TRPM3: variants seen among roughly 807,000 people sequenced by gnomAD.
The protein encoded by TRPM3 is long transient receptor potential channel 3.
TRPM3 carries 77 observed loss-of-function variants against 181.2 expected under a neutral mutation model. The ratio of observed to expected loss-of-function variants is 0.42; its 90% CI spans 0.35 to 0.51. The LOEUF (loss-of-function observed/expected upper bound fraction) is 0.51. Ranked by LOEUF, TRPM3 falls within the 20% of genes least tolerant of loss-of-function variation. The pLI, the probability that TRPM3 is intolerant of heterozygous loss-of-function variation, is 0.01. For missense variants in TRPM3, 1,759 were observed against 2,196.7 expected (o/e 0.80, Z 3.98); for synonymous variants, 745 against 796.4 (o/e 0.94, Z 1.09).
At chr9:70,671,480 T>C (rs79660144) in intron 9 of TRPM3, among the ~76,000 whole-genome samples, 2,694 of 152,224 alleles carry the variant, frequency 0.018, 84 homozygotes, top group African/African-American at 0.061. Context: ...CACAAATTCT[T>C]GTCAAAAATA....
chr9:71,028,731 A>C (rs1196674842), intron 1 of TRPM3, among the ~76,000 whole-genome samples: 2 of 152,200 alleles, frequency 1.3e-5, no homozygotes, highest in Non-Finnish European at 2.9e-5. Context: ...CCATAAGGGT[A>C]AAGGGTTCAA....
intron 1 of TRPM3, among the ~76,000 whole-genome samples, chr9:71,303,474 A>G (rs1386426301): frequency 6.6e-6 from 1 of 152,250 alleles, no homozygotes; most frequent in Non-Finnish European, 1.5e-5. Context: ...AAGATGGAGT[A>G]TTAGAGAAAT....
At chr9:70,793,829 C>T (rs2086287573) in intron 6 of TRPM3, 1 of 321,536 alleles carries the variant, frequency 3.1e-6, no homozygotes, top group Non-Finnish European at 6.3e-6. Context: ...CACCATTCGT[C>T]TTTCATTTTC....
At chr9:71,120,077 C>T (rs1206207889) in intron 1 of TRPM3, among the ~76,000 whole-genome samples, 1 of 152,200 alleles carries the variant, frequency 6.6e-6, no homozygotes, top group Non-Finnish European at 1.5e-5. Flanking sequence ...ATGGAACTAA[C>T]TGTCCCCATC....
chr9:70,574,284 A>G (rs1330852545), intron 22 of TRPM3, among the ~76,000 whole-genome samples: 2 of 152,002 alleles, frequency 1.3e-5, no homozygotes, highest in East Asian at 3.9e-4. Context: ...TTTATTCCCT[A>G]CCATTCTCTC....
intron 1 of TRPM3, among the ~76,000 whole-genome samples, chr9:71,081,599 T>A (rs924921043): frequency 3.3e-5 from 5 of 152,152 alleles, no homozygotes; most frequent in Admixed American, 6.6e-5. Flanking sequence ...TTTTATGGCG[T>A]TACTAAGAAA....
intron 1 of TRPM3, among the ~76,000 whole-genome samples, chr9:71,383,010 C>T (rs1042862487): frequency 1.3e-5 from 2 of 151,958 alleles, no homozygotes; most frequent in South Asian, 2.1e-4. Flanking sequence ...ATGCTCTAGG[C>T]GGATGCTGGA....
At chr9:71,172,742 G>A (rs2076929185) in intron 1 of TRPM3, among the ~76,000 whole-genome samples, 1 of 152,120 alleles carries the variant, frequency 6.6e-6, no homozygotes, top group African/African-American at 2.4e-5. Flanking sequence ...AACATGCTAT[G>A]CGTTAGAAAA....
intron 1 of TRPM3, among the ~76,000 whole-genome samples, chr9:71,280,026 C>G (rs1004226976): frequency 1.1e-4 from 17 of 147,878 alleles, no homozygotes; most frequent in African/African-American, 3.8e-4. Context: ...TGCAGTGAGC[C>G]GAGATCTTGA....
chr9:71,233,214 A>ATCATTTTT (rs1256814017), intron 1 of TRPM3, among the ~76,000 whole-genome samples: 1 of 152,192 alleles, frequency 6.6e-6, no homozygotes, highest in Non-Finnish European at 1.5e-5. Flanking sequence ...AATCAAATGA[A>ATCATTTTT]TCATTTTCCC....
chr9:70,632,883 G>T (rs547398200), intron 12 of TRPM3, among the ~76,000 whole-genome samples: 1 of 152,192 alleles, frequency 6.6e-6, no homozygotes, highest in Non-Finnish European at 1.5e-5. Flanking sequence ...TACAAGTGAC[G>T]TGAGCAAATG....
At chr9:71,291,080 A>C (rs2085771205) in intron 1 of TRPM3, among the ~76,000 whole-genome samples, 1 of 152,198 alleles carries the variant, frequency 6.6e-6, no homozygotes, top group Non-Finnish European at 1.5e-5. Flanking sequence ...AGAAAAGACT[A>C]TTAAATAAAA....
chr9:70,650,910 A>C (rs1453560180), intron 9 of TRPM3, among the ~76,000 whole-genome samples: 1 of 152,194 alleles, frequency 6.6e-6, no homozygotes, highest in Non-Finnish European at 1.5e-5. Flanking sequence ...ATTTCTTCAT[A>C]GATGAGTGCT....
At chr9:70,789,043 C>G (rs2084659451) in intron 6 of TRPM3, among the ~76,000 whole-genome samples, 1 of 152,196 alleles carries the variant, frequency 6.6e-6, no homozygotes, top group Non-Finnish European at 1.5e-5. Context: ...CACCCCCACT[C>G]TCTCTCCATT....
intron 1 of TRPM3, among the ~76,000 whole-genome samples, chr9:70,958,781 G>C (rs1172885584): frequency 1.3e-5 from 2 of 151,698 alleles, no homozygotes; most frequent in African/African-American, 4.8e-5. Context: ...TGATAGACTG[G>C]ATTAAGAAAA....
chr9:71,357,946 T>C (rs1215217948), intron 1 of TRPM3, among the ~76,000 whole-genome samples: 1 of 152,128 alleles, frequency 6.6e-6, no homozygotes, highest in African/African-American at 2.4e-5. Context: ...ATGGGCTTGA[T>C]TGCTCACTCT....
intron 1 of TRPM3, among the ~76,000 whole-genome samples, chr9:71,270,541 T>C (rs1565405289): frequency 6.6e-6 from 1 of 152,234 alleles, no homozygotes; most frequent in Admixed American, 6.5e-5. Flanking sequence ...CTCAGTGTCA[T>C]AGAAACTGCT....
chr9:70,902,694 G>A (rs561777108), intron 1 of TRPM3, among the ~76,000 whole-genome samples: 3 of 152,278 alleles, frequency 2.0e-5, no homozygotes, highest in African/African-American at 7.2e-5. Context: ...TCCAGTCCCA[G>A]GCACTGCATT....
chr9:71,400,561 T>G (rs2093318678), intron 1 of TRPM3, among the ~76,000 whole-genome samples: 1 of 152,142 alleles, frequency 6.6e-6, no homozygotes, highest in African/African-American at 2.4e-5. Context: ...AGAAGTAGAA[T>G]AGAAAGTATT....
Sources: gnomAD v4.1 joint callset for allele counts (sites outside exome capture counted in the v4.1 genomes callset) on GRCh38, gnomAD v4.1.1 for gene constraint, MANE v1.5 for transcripts, NCBI Gene and HGNC (gene_info 2026-07-23, HGNC 2026-07-21) for gene names.